Variants in CCDC7 observed in about 807,000 individuals in gnomAD.
CCDC7 encodes the protein coiled-coil domain containing 7.
CCDC7 carries 183 observed loss-of-function variants against 196.9 expected under a neutral mutation model. That is an observed-to-expected ratio of 0.93 (90% CI 0.82 to 1.05). CCDC7 has a LOEUF of 1.05. Ranked by LOEUF, CCDC7 falls within the 50% of genes least tolerant of loss-of-function variation. The probability of loss-of-function intolerance (pLI) is 0.00; values close to 1 mark genes in which losing one functional copy is unlikely to be tolerated. For synonymous variants in CCDC7, 525 were observed against 484.6 expected (o/e 1.08, Z -1.10); for missense variants, 1,540 against 1,482.2 (o/e 1.04, Z -0.64).
chr10:32,882,120 T>A (rs545853119), downstream of CCDC7, among the ~76,000 whole-genome samples: 1 of 152,122 alleles, frequency 6.6e-6, no homozygotes, highest in Non-Finnish European at 1.5e-5. Flanking sequence ...GAAGACTTTA[T>A]TAAAGACCAT....
At chr10:32,854,559 C>T in intron 41 of CCDC7, 70 bp downstream of exon 42, 1 of 1,011,470 alleles carries the variant, frequency 9.9e-7, no homozygotes, top group South Asian at 1.5e-5. Flanking sequence ...TCTCTATTTA[C>T]CAACCTCAAA....
chr10:32,614,489 A>AAT (rs2062560152), intron 18 of CCDC7, among the ~76,000 whole-genome samples: 1 of 152,108 alleles, frequency 6.6e-6, no homozygotes, highest in Non-Finnish European at 1.5e-5. Flanking sequence ...TGTCATTATG[A>AAT]AGCCAGCTGG....
intron 29 of CCDC7, among the ~76,000 whole-genome samples, chr10:32,790,256 C>G (rs891158730): frequency 6.6e-6 from 1 of 152,208 alleles, no homozygotes; most frequent in South Asian, 2.1e-4. Flanking sequence ...TGTGGTGGCT[C>G]AGCCCCTGTG....
At chr10:32,703,739 T>C (rs2079174550) in intron 24 of CCDC7, among the ~76,000 whole-genome samples, 1 of 152,038 alleles carries the variant, frequency 6.6e-6, no homozygotes, top group South Asian at 2.1e-4. Context: ...TCTCTAAACT[T>C]CTCTTCTCAC....
At chr10:32,752,343 A>G (rs1280962372) in intron 28 of CCDC7, among the ~76,000 whole-genome samples, 7 of 152,112 alleles carry the variant, frequency 4.6e-5, no homozygotes, top group Non-Finnish European at 1.5e-5. Context: ...ATCATAGACA[A>G]AACTCCCCAA....
chr10:32,491,716 A>G (rs1004588434), intron 8 of CCDC7, among the ~76,000 whole-genome samples: 18 of 152,156 alleles, frequency 1.2e-4, no homozygotes, highest in African/African-American at 3.9e-4. Flanking sequence ...AGAGAATGCA[A>G]TATAACATGG....
intron 18 of CCDC7, among the ~76,000 whole-genome samples, chr10:32,610,617 G>T (rs780316854): frequency 6.6e-6 from 1 of 151,908 alleles, no homozygotes; most frequent in Non-Finnish European, 1.5e-5. Context: ...GTTCCCCTCC[G>T]GGAGCCCATA....
At chr10:32,753,871 AT>A (rs1345804124) in intron 28 of CCDC7, among the ~76,000 whole-genome samples, 1 of 151,918 alleles carries the variant, frequency 6.6e-6, no homozygotes, top group Non-Finnish European at 1.5e-5. Flanking sequence ...TTAATTGTTT[AT>A]TTTTTCATAA....
chr10:32,597,419 G>T (rs1351496661), intron 18 of CCDC7, among the ~76,000 whole-genome samples: 2 of 152,028 alleles, frequency 1.3e-5, no homozygotes, highest in Non-Finnish European at 2.9e-5. Context: ...TTAGCCATTC[G>T]TCTACTCTTT....
At chr10:32,797,290 T>C (rs2134868908) in intron 29 of CCDC7, among the ~76,000 whole-genome samples, 1 of 151,372 alleles carries the variant, frequency 6.6e-6, no homozygotes, top group Admixed American at 6.6e-5. Flanking sequence ...TACATATGTG[T>C]ATATATACAT....
At chr10:32,700,458 C>A (rs186114500) in intron 24 of CCDC7, among the ~76,000 whole-genome samples, 2 of 151,644 alleles carry the variant, frequency 1.3e-5, no homozygotes, top group East Asian at 3.9e-4. Flanking sequence ...GTTACTGCAG[C>A]CTTGTAGTAT....
chr10:32,473,639 G>A (rs2038397291), intron 7 of CCDC7, among the ~76,000 whole-genome samples: 1 of 152,084 alleles, frequency 6.6e-6, no homozygotes, highest in Non-Finnish European at 1.5e-5. Flanking sequence ...AGTCAGGTTT[G>A]AGAAATATTT....
intron 41 of CCDC7, among the ~76,000 whole-genome samples, chr10:32,871,824 G>T (rs1295886927): frequency 7.8e-6 from 1 of 128,042 alleles, no homozygotes; most frequent in Admixed American, 7.5e-5. Flanking sequence ...TGGTTTCAAA[G>T]AACATCTTTA....
intron 29 of CCDC7, among the ~76,000 whole-genome samples, chr10:32,783,533 T>C (rs2081363359): frequency 6.6e-6 from 1 of 152,162 alleles, no homozygotes; most frequent in Admixed American, 6.5e-5. Context: ...TGTAGACAAA[T>C]AGGAACTTTT....
rs147763375 is a variant in CCDC7, at chr10:32,480,484, G to A, written c.796+6461G>A. On this transcript the variant is annotated intron_variant, in intron 8 of 41. Coordinates refer to ENST00000639629, the Ensembl canonical transcript of CCDC7. Reference sequence around the variant, plus strand: ...TTGCAAGTGTGGGACACTGTGCCCAGCTTGAATGTAGGTTTTTATTGCTAT... The same window carrying A: ...TTGCAAGTGTGGGACACTGTGCCCAACTTGAATGTAGGTTTTTATTGCTAT... Among the ~76,000 whole-genome samples the A allele has an allele frequency of 6.0e-3, 910 of 152,148 alleles. 9 individuals carry two copies. The highest frequency in any genetic ancestry group is 0.021 in the African/African-American group (868 of 41,512).
At chr10:32,576,980 A>C (rs904282485) in intron 16 of CCDC7, among the ~76,000 whole-genome samples, 1 of 152,196 alleles carries the variant, frequency 6.6e-6, no homozygotes, top group Non-Finnish European at 1.5e-5. Flanking sequence ...TCTCATGGAC[A>C]TATAAACATA....
chr10:32,725,779 A>G (rs1476298344), intron 25 of CCDC7, among the ~76,000 whole-genome samples: 2 of 152,020 alleles, frequency 1.3e-5, no homozygotes. Flanking sequence ...TGAACTCATT[A>G]CCATAGAGAG....
chr10:32,643,801 T>C (rs1337329499), intron 20 of CCDC7, among the ~76,000 whole-genome samples: 1 of 151,708 alleles, frequency 6.6e-6, no homozygotes, highest in Non-Finnish European at 1.5e-5. Flanking sequence ...ACATGTAACT[T>C]CATAGTTTAT....
chr10:32,782,229 G>T lies in CCDC7; in HGVS notation c.3013+3145G>T, dbSNP rs9664245. ...TTAGAAGATAACTTGTTTTTTTTTT[G>T]TTTTTTTTGGTTTTTTTTTGAGATT... On this transcript the variant is annotated intron_variant, in intron 29 of 41. Coordinates refer to ENST00000639629, the Ensembl canonical transcript of CCDC7. 7.7e-3 allele frequency among the ~76,000 whole-genome samples: 1,156 copies of T among 150,120 alleles called. 15 individuals carry two copies. Among genetic ancestry groups the T allele is most frequent in the African/African-American group, 0.023 (956 of 40,990 alleles).
Sources: allele counts gnomAD v4.1 joint callset (sites outside exome capture counted in the v4.1 genomes callset), GRCh38; gene constraint gnomAD v4.1.1; transcripts MANE v1.5; gene names NCBI Gene and HGNC (gene_info 2026-07-23, HGNC 2026-07-21).